The following CLIC5 variants were observed in gnomAD, a reference collection of about 807,000 sequenced individuals.
CLIC5 encodes chloride intracellular channel protein 5.
Under a neutral mutation model 24.7 loss-of-function variants are expected in CLIC5, and 20 were observed. The ratio of observed to expected loss-of-function variants is 0.81; its 90% CI spans 0.57 to 1.18. The LOEUF (loss-of-function observed/expected upper bound fraction) is 1.18, where lower values mean the gene tolerates loss of function less well. Ranked by LOEUF, CLIC5 falls within the 50% of genes most tolerant of loss-of-function variation. The pLI is 0.00. For missense variants in CLIC5, 341 were observed against 326.1 expected (o/e 1.05, Z -0.35); for synonymous variants, 159 against 135.6 (o/e 1.17, Z -1.20).
intron 1 of CLIC5, among the ~76,000 whole-genome samples, chr6:45,975,717 C>A (rs2127408553): frequency 6.6e-6 from 1 of 152,278 alleles, no homozygotes; most frequent in East Asian, 1.9e-4. Flanking sequence ...ACCTGTCAAT[C>A]TCTAAGGTGC....
intron 1 of CLIC5, among the ~76,000 whole-genome samples, chr6:45,986,766 AG>A (rs1765753248): frequency 9.6e-6 from 1 of 103,936 alleles, no homozygotes; most frequent in South Asian, 4.4e-4. Flanking sequence ...GACCCTGGTA[AG>A]GATACAATCT....
At chr6:46,036,045 CAG>C (rs1767650000) in intron 1 of CLIC5, among the ~76,000 whole-genome samples, 1 of 151,526 alleles carries the variant, frequency 6.6e-6, no homozygotes. Flanking sequence ...ATGCCCTGCC[CAG>C]AGTTGGTTTT....
At chr6:45,907,255 CA>C (rs1380347589) in intron 5 of CLIC5, among the ~76,000 whole-genome samples, 2 of 152,038 alleles carry the variant, frequency 1.3e-5, no homozygotes, top group Non-Finnish European at 2.9e-5. Flanking sequence ...GAATTTTATC[CA>C]AAGGTTTTCT....
At chr6:46,007,751 A>T (rs1033646559) in intron 1 of CLIC5, among the ~76,000 whole-genome samples, 4 of 152,100 alleles carry the variant, frequency 2.6e-5, no homozygotes, top group Non-Finnish European at 5.9e-5. Context: ...GACTTCTGGA[A>T]GCTTTTCCAA....
intron 1 of CLIC5, among the ~76,000 whole-genome samples, chr6:46,013,134 G>A (rs1766864803): frequency 6.6e-6 from 1 of 152,204 alleles, no homozygotes; most frequent in South Asian, 2.1e-4. Context: ...CCTTCCAAGG[G>A]GGTGTTGAAA....
At chr6:46,055,814 T>C (rs1768232361) in intron 1 of CLIC5, among the ~76,000 whole-genome samples, 1 of 152,174 alleles carries the variant, frequency 6.6e-6, no homozygotes, top group Non-Finnish European at 1.5e-5. Context: ...AAGGAAGGTG[T>C]TGTCTTCTCA....
chr6:46,003,434 A>C (rs920242294), intron 1 of CLIC5, among the ~76,000 whole-genome samples: 2 of 152,154 alleles, frequency 1.3e-5, no homozygotes, highest in Non-Finnish European at 2.9e-5. Context: ...AACAACAACA[A>C]CACCAACAAC....
intron 1 of CLIC5, among the ~76,000 whole-genome samples, chr6:46,001,850 G>T (rs983400406): frequency 1.3e-5 from 2 of 152,162 alleles, no homozygotes; most frequent in African/African-American, 4.8e-5. Flanking sequence ...AGGGATACTG[G>T]ATTAAACAGA....
chr6:46,014,994 G>A (rs1451688839), intron 1 of CLIC5, among the ~76,000 whole-genome samples: 1 of 152,184 alleles, frequency 6.6e-6, no homozygotes, highest in Non-Finnish European at 1.5e-5. Flanking sequence ...TTTTATTTTA[G>A]GATCTCTGAG....
chr6:45,987,030 G>A (rs1403927808), intron 1 of CLIC5, among the ~76,000 whole-genome samples: 1 of 152,026 alleles, frequency 6.6e-6, no homozygotes, highest in Non-Finnish European at 1.5e-5. Context: ...CTCTTGTGTT[G>A]CCCATGGAAC....
intron 1 of CLIC5, among the ~76,000 whole-genome samples, chr6:46,053,595 C>A (rs1352657554): frequency 6.6e-6 from 1 of 152,114 alleles, no homozygotes; most frequent in Non-Finnish European, 1.5e-5. Context: ...GTACTTTAAT[C>A]GTTGAGGTCG....
In CLIC5 at chr6:45,908,761, G is replaced by T. The variant is rs1315024452; in HGVS notation, c.588+5467C>A. On this transcript the variant is annotated intron_variant, in intron 5 of 5. Coordinates refer to ENST00000339561, the MANE Select transcript of CLIC5 (RefSeq NM_016929.5). The stretch of plus-strand genomic sequence containing the variant: ...ATGTATATTCTATGGTCAATGGGTG[G>T]AGTATTCAGTAGATGTCTGTTATGT... Among the ~76,000 whole-genome samples, 3 of 152,144 alleles carry T rather than the reference G, an allele frequency of 2.0e-5. No homozygotes were observed. The East Asian group carries it at 5.8e-4, about 29-fold the overall frequency.
chr6:45,911,515 G>C (rs182683750), intron 5 of CLIC5: 122 of 800,380 alleles, frequency 1.5e-4, no homozygotes, highest in Non-Finnish European at 1.8e-4. Context: ...GCCTGACCAA[G>C]AGAACTGGCT....
At chr6:46,070,003 T>G (rs1762549514) in intron 1 of CLIC5, among the ~76,000 whole-genome samples, 1 of 152,084 alleles carries the variant, frequency 6.6e-6, no homozygotes, top group Admixed American at 6.6e-5. Context: ...CAGAAAAGGC[T>G]TTCTGATAAA....
In CLIC5 at chr6:46,021,076, A is replaced by C. The variant is rs969195020; in HGVS notation, c.540+58627T>G. On this transcript the variant is annotated intron_variant, in intron 1 of 5. Coordinates refer to the CLIC5 transcript ENST00000185206. ...GACTTGTATCCAGGATTTGTAAAGAATTTTTACAACTCAAAAAAAAAAAAA... is the reference window on the plus strand; with the variant it reads ...GACTTGTATCCAGGATTTGTAAAGACTTTTTACAACTCAAAAAAAAAAAAA... 3.2e-5 allele frequency among the ~76,000 whole-genome samples: 4 copies of C among 125,024 alleles called. No homozygotes were observed. In the Admixed American group the frequency reaches 3.3e-4, roughly 10 times the overall value. 82.0% of individuals were successfully genotyped at this position (125,024 alleles called of 152,430 possible). A position where few individuals can be genotyped will look rare whatever the true frequency, so the allele number is the denominator to read the frequency against.
At chr6:45,881,028 G>GT (rs917406719) in exon 7 of CLIC5, 523 of 383,244 alleles carry the variant, frequency 1.4e-3, no homozygotes, top group Middle Eastern at 2.7e-3. Context: ...AAACTCTTAG[G>GT]TTTTTTTTTC....
At chr6:46,056,541 G>A (rs1156438549) in intron 1 of CLIC5, among the ~76,000 whole-genome samples, 1 of 152,128 alleles carries the variant, frequency 6.6e-6, no homozygotes, top group African/African-American at 2.4e-5. Context: ...AGCCAGCTGT[G>A]CCCATCTCTT....
intron 1 of CLIC5, among the ~76,000 whole-genome samples, chr6:46,079,225 A>G (rs986461670): frequency 3.9e-5 from 6 of 152,336 alleles, no homozygotes; most frequent in South Asian, 4.1e-4. Flanking sequence ...TTTTAGTTAT[A>G]TTGGTGCCAA....
At chr6:46,087,990 C>T in the CLIC5 span, among the ~76,000 whole-genome samples, 2 of 151,996 alleles carry the variant, frequency 1.3e-5, no homozygotes, top group Non-Finnish European at 2.9e-5. Context: ...GCTTTCTCAC[C>T]CCAGGTTCTT....
Sources: gnomAD v4.1 joint callset for allele counts (sites outside exome capture counted in the v4.1 genomes callset) on GRCh38, gnomAD v4.1.1 for gene constraint, MANE v1.5 for transcripts, NCBI Gene and HGNC (gene_info 2026-07-23, HGNC 2026-07-21) for gene names.